The following MSH4 variants were observed in gnomAD, a reference collection of about 807,000 sequenced individuals.
MSH4 encodes the protein mutS protein homolog 4.
In MSH4, 106 loss-of-function variants were observed where a neutral mutation model predicts 113.7. That is an observed-to-expected ratio of 0.93 (90% CI 0.80 to 1.10). MSH4 has a LOEUF of 1.10. Ranked by LOEUF, MSH4 falls within the 50% of genes least tolerant of loss-of-function variation. MSH4 has a pLI of 0.00. For synonymous variants in MSH4, 368 were observed against 380.2 expected (o/e 0.97, Z 0.37); for missense variants, 1,061 against 1,093.7 (o/e 0.97, Z 0.42).
intron 19 of MSH4, among the ~76,000 whole-genome samples, chr1:75,910,054 A>G (rs1468076440): frequency 6.6e-6 from 1 of 152,004 alleles, no homozygotes; most frequent in Non-Finnish European, 1.5e-5. Context: ...CCTTTTTCTA[A>G]GAGTATGCTT....
chr1:75,822,149 C>T lies in MSH4; in HGVS notation c.990-260C>T, dbSNP rs180732310. On this transcript the variant is annotated intron_variant, in intron 6 of 19. Transcript: ENST00000263187. ...ACAAAAATACAAAAAATTAGCTGGG[C>T]GTGGTGGCGGGCGCCTGTAGTCCCA... Among the ~76,000 whole-genome samples, 1,009 of 152,004 alleles carry T rather than the reference C, an allele frequency of 6.6e-3. 19 individuals carry two copies. Among genetic ancestry groups the T allele is most frequent in the Admixed American group, 0.038 (584 of 15,268 alleles).
chr1:75,867,460 T>A, intron 8 of MSH4, 54 bp from the exon 9 acceptor site: 1 of 945,800 alleles, frequency 1.1e-6, no homozygotes. Context: ...GAAAACCCAT[T>A]GTTCTATTAA....
At chr1:75,907,689 C>CATATATATATATATATATATAT (rs71071973) in intron 19 of MSH4, among the ~76,000 whole-genome samples, 176 of 78,588 alleles carry the variant, frequency 2.2e-3, no homozygotes, top group Non-Finnish European at 2.8e-3. Flanking sequence ...TCTCTCTATA[C>CATATATATATATATATATATAT]ATATATATAT....
At position 75,816,523 on chromosome 1, in the gene MSH4, G is replaced by T; in HGVS notation, c.966G>T (p.Leu322Phe). 1.3e-6 allele frequency: 2 copies of T among 1,580,094 alleles called. No individual in the cohort carries two copies. The highest frequency in any genetic ancestry group is 1.2e-5 in the South Asian group (1 of 84,202). The change falls in exon 6 of 20, where the codon TTG (leucine) becomes TTT (phenylalanine). Residue 322 changes from leucine to phenylalanine, a missense_variant. Transcript: ENST00000263187. Reference sequence around the variant, plus strand: ...CATCATCAGCCCAAAACCTTGAATTGTTAATTAATAATCAAGACTATAGGT... The same window carrying T: ...CATCATCAGCCCAAAACCTTGAATTTTTAATTAATAATCAAGACTATAGGT... The part of the protein sequence containing the change: ...IDSSSAQNLE[L>F]LINNQDYRNN...
At chr1:75,806,049 T>C (rs897830758) in intron 2 of MSH4, among the ~76,000 whole-genome samples, 2 of 151,980 alleles carry the variant, frequency 1.3e-5, no homozygotes, top group African/African-American at 4.8e-5. Context: ...ATTTTCTGAG[T>C]TTGCATTTTC....
intron 1 of MSH4, 136 bp from the exon 2 acceptor site, chr1:75,803,595 C>T (rs1047309340): frequency 1.0e-5 from 6 of 587,786 alleles, no homozygotes; most frequent in East Asian, 7.0e-5. Context: ...CCAGCCTGGG[C>T]GACAAGAGCA....
At chr1:75,869,938 G>A (rs571513324) in intron 9 of MSH4, among the ~76,000 whole-genome samples, 236 of 152,298 alleles carry the variant, frequency 1.5e-3, no homozygotes, top group Middle Eastern at 6.8e-3. Flanking sequence ...TAGATCCACC[G>A]ACAGATTGCA....
intron 8 of MSH4, among the ~76,000 whole-genome samples, chr1:75,854,013 G>GTATATATA (rs59347058): frequency 0.034 from 3,927 of 116,662 alleles, 202 homozygotes; most frequent in Non-Finnish European, 0.058. Flanking sequence ...GTGTGTGTGT[G>GTATATATA]TATATATATA....
chr1:75,797,339 G>A, intron 1 of MSH4, 110 bp downstream of exon 1: 1 of 1,408,310 alleles, frequency 7.1e-7, no homozygotes, highest in Non-Finnish European at 9.4e-7. Flanking sequence ...GATTTGGTTG[G>A]GGCGTGAGAT....
chr1:75,857,578 G>A (rs980684323), intron 8 of MSH4, among the ~76,000 whole-genome samples: 3 of 152,138 alleles, frequency 2.0e-5, no homozygotes, highest in African/African-American at 7.2e-5. Context: ...TCTCAGGTTT[G>A]TCAAAGATCA....
chr1:75,804,461 A>C (rs1156885992), intron 2 of MSH4, among the ~76,000 whole-genome samples: 1 of 151,590 alleles, frequency 6.6e-6, no homozygotes, highest in Non-Finnish European at 1.5e-5. Context: ...TTAGATCTAC[A>C]GAAGTCAGTT....
rs145531816 is a variant in MSH4, at chr1:75,800,458, G to A, written c.244+3229G>A. On this transcript the variant is annotated intron_variant, in intron 1 of 19. Coordinates refer to ENST00000263187, the MANE Select transcript of MSH4 (RefSeq NM_002440.4). ...TCAGAAAGATTATTGGTGATGATTC[G>A]AAGAATAGATTAGAGAGGTGTAATA... is the stretch of plus-strand genomic sequence containing the variant. Among the ~76,000 whole-genome samples the A allele has an allele frequency of 6.3e-3, 966 of 152,210 alleles. 8 individuals carry two copies. The highest frequency in any genetic ancestry group is 7.5e-3 in the Non-Finnish European group (509 of 68,014).
chr1:75,869,442 CCAAGA>C (rs1472396057), intron 9 of MSH4, among the ~76,000 whole-genome samples: 1 of 152,152 alleles, frequency 6.6e-6, no homozygotes, highest in Non-Finnish European at 1.5e-5. Flanking sequence ...TTAATAATCA[CCAAGA>C]CAATGGGGAA....
chr1:75,839,295 A>C (rs1217752904), intron 7 of MSH4, among the ~76,000 whole-genome samples: 2 of 151,896 alleles, frequency 1.3e-5, no homozygotes, highest in African/African-American at 4.8e-5. Context: ...GCTCACTGCA[A>C]CCTCTGCCTC....
chr1:75,861,182 T>C (rs1191172857), intron 8 of MSH4, among the ~76,000 whole-genome samples: 1 of 152,198 alleles, frequency 6.6e-6, no homozygotes, highest in Non-Finnish European at 1.5e-5. Flanking sequence ...TTCAAGGTTT[T>C]TAGCTTCCTT....
At position 75,877,443 on chromosome 1, in the gene MSH4, A is replaced by G. The variant is rs980650338; in HGVS notation, c.1370+443A>G. Among the ~76,000 whole-genome samples the G allele has an allele frequency of 3.9e-5, 6 of 152,324 alleles. No homozygotes were observed. In the East Asian group the frequency reaches 5.8e-4, roughly 15 times the overall value. On this transcript the variant is annotated intron_variant, in intron 10 of 19. Coordinates refer to ENST00000263187, the MANE Select transcript of MSH4 (RefSeq NM_002440.4). ...AGCAGTAGTTGTGGACTGAAGAACT[A>G]CTGGTTCAATCCAGACCTTGGTTCT...
intron 8 of MSH4, among the ~76,000 whole-genome samples, chr1:75,865,934 T>A (rs1288002146): frequency 6.6e-6 from 1 of 152,168 alleles, no homozygotes; most frequent in Non-Finnish European, 1.5e-5. Context: ...CTGGTACTAT[T>A]TACGGAAAAG....
intron 9 of MSH4, among the ~76,000 whole-genome samples, chr1:75,870,044 C>A (rs1651679270): frequency 6.6e-6 from 1 of 152,206 alleles, no homozygotes; most frequent in Admixed American, 6.5e-5. Context: ...AAGGGTGGAG[C>A]TGCTCAAGGC....
intron 4 of MSH4, among the ~76,000 whole-genome samples, chr1:75,814,637 G>T (rs1404106819): frequency 6.6e-6 from 1 of 151,888 alleles, no homozygotes; most frequent in Non-Finnish European, 1.5e-5. Flanking sequence ...ACTGTGAAAG[G>T]TTATTTCTAT....
Sources: gnomAD v4.1 joint callset for allele counts (sites outside exome capture counted in the v4.1 genomes callset) on GRCh38, gnomAD v4.1.1 for gene constraint, MANE v1.5 for transcripts, NCBI Gene and HGNC (gene_info 2026-07-23, HGNC 2026-07-21) for gene names.